The following CEP170 variants were observed in gnomAD, a reference collection of about 807,000 sequenced individuals.
The protein encoded by CEP170 is centrosomal protein of 170 kDa.
In CEP170, 21 loss-of-function variants were observed where a neutral mutation model predicts 151.9. That is an observed-to-expected ratio of 0.14 (90% confidence interval 0.10 to 0.20). CEP170 has a LOEUF of 0.20. CEP170 is among the 10% of genes least tolerant of loss of function. CEP170 has a pLI of 1.00. For missense variants in CEP170, 964 were observed against 1,892.9 expected (o/e 0.51, Z 9.11); for synonymous variants, 356 against 648.8 (o/e 0.55, Z 6.86).
At chr1:243,211,015 T>C (rs2061753518) in intron 4 of CEP170, among the ~76,000 whole-genome samples, 1 of 151,500 alleles carries the variant, frequency 6.6e-6, no homozygotes, top group South Asian at 2.1e-4. Flanking sequence ...CTTTTTCTGC[T>C]ACGGTGACAA....
chr1:243,163,797 CATTG>C (rs1214768104), intron 13 of CEP170, among the ~76,000 whole-genome samples: 1 of 152,084 alleles, frequency 6.6e-6, no homozygotes, highest in Non-Finnish European at 1.5e-5. Flanking sequence ...AAAAAGAAAA[CATTG>C]ATTATTTCAT....
chr1:243,136,906 C>T (rs1314076219), intron 16 of CEP170, among the ~76,000 whole-genome samples: 3 of 151,944 alleles, frequency 2.0e-5, no homozygotes, highest in African/African-American at 7.2e-5. Flanking sequence ...GGGAAACACA[C>T]ATTTTGAAAA....
chr1:243,226,447 G>A (rs771540973), intron 1 of CEP170, among the ~76,000 whole-genome samples: 6 of 151,512 alleles, frequency 4.0e-5, no homozygotes, highest in African/African-American at 1.5e-4. Flanking sequence ...AATAAAACTG[G>A]TATCAGCTTT....
At chr1:243,128,964 TATTATA>T (rs2054046433) in intron 18 of CEP170, 1 of 153,728 alleles carries the variant, frequency 6.5e-6, no homozygotes, top group Non-Finnish European at 1.4e-5. Context: ...GCAACCTCAA[TATTATA>T]ATTATATTCT....
intron 1 of CEP170, among the ~76,000 whole-genome samples, chr1:243,244,966 T>C (rs1265978355): frequency 1.3e-5 from 2 of 152,188 alleles, no homozygotes; most frequent in Non-Finnish European, 2.9e-5. Flanking sequence ...ACTATATACA[T>C]GTTAAAATCT....
intron 14 of CEP170, among the ~76,000 whole-genome samples, chr1:243,147,727 T>C (rs1244543869): frequency 1.3e-5 from 2 of 152,040 alleles, no homozygotes; most frequent in Non-Finnish European, 1.5e-5. Flanking sequence ...CACATCCTAA[T>C]TTTTTTCCCA....
Position 243,165,853 on chromosome 1 carries a change from T to C in CEP170, c.2107A>G (p.Arg703Gly). The C allele has an allele frequency of 6.2e-7, 1 of 1,614,014 alleles. No homozygotes were observed. Among genetic ancestry groups the C allele is most frequent in the Non-Finnish European group, 8.5e-7 (1 of 1,179,870 alleles). ...TTGAGAGTCTCTCCATTTACTGCCC[T>C]GTTCATTTTACTCAAGGGTCTGTCA... is the stretch of plus-strand genomic sequence containing the variant. ...DADRPLSKMN[R>G]AVNGETLKTG... Residue 703 changes from arginine (R) to glycine (G), a missense_variant, in exon 13 of 20, where the codon AGG (arginine) becomes GGG (glycine). Physicochemically the swap from Arg to Gly is moderately radical, Grantham distance 125. Coordinates refer to ENST00000366542, the MANE Select transcript of CEP170 (RefSeq NM_014812.3).
chr1:243,204,459 A>G (rs893484038), intron 4 of CEP170, among the ~76,000 whole-genome samples: 7 of 152,230 alleles, frequency 4.6e-5, no homozygotes, highest in African/African-American at 1.7e-4. Context: ...TACATAAATC[A>G]CAATTTTAAA....
intron 4 of CEP170, among the ~76,000 whole-genome samples, chr1:243,204,316 G>C (rs184500636): frequency 6.8e-4 from 103 of 152,266 alleles, no homozygotes; most frequent in South Asian, 5.4e-3. Context: ...TATAGTGCTG[G>C]AAGTACAGAT....
intron 19 of CEP170, among the ~76,000 whole-genome samples, chr1:243,127,202 C>T (rs1018352406): frequency 3.3e-5 from 5 of 152,138 alleles, no homozygotes; most frequent in Admixed American, 6.6e-5. Flanking sequence ...CCATAGAATA[C>T]GGTCATTTAG....
intron 1 of CEP170, among the ~76,000 whole-genome samples, chr1:243,240,372 A>G (rs891640550): frequency 6.6e-6 from 1 of 152,204 alleles, no homozygotes; most frequent in Admixed American, 6.5e-5. Context: ...AGCAATCCAT[A>G]TGATCCGTTC....
At chr1:243,248,856 AC>A (rs1224008800) in intron 1 of CEP170, among the ~76,000 whole-genome samples, 13 of 152,150 alleles carry the variant, frequency 8.5e-5, no homozygotes. Context: ...TCCTATAAGC[AC>A]CTTTTCCTCA....
At chr1:243,253,914 C>A (rs980907176) in intron 1 of CEP170, among the ~76,000 whole-genome samples, 3 of 152,206 alleles carry the variant, frequency 2.0e-5, no homozygotes, top group Non-Finnish European at 4.4e-5. Flanking sequence ...AATGAGTTAA[C>A]AACTTCGGTA....
intron 10 of CEP170, among the ~76,000 whole-genome samples, chr1:243,175,849 T>G (rs924491622): frequency 1.3e-5 from 2 of 152,156 alleles, no homozygotes; most frequent in Non-Finnish European, 2.9e-5. Flanking sequence ...CAGGCCGGAG[T>G]GCAGTGGCGC....
intron 10 of CEP170, among the ~76,000 whole-genome samples, chr1:243,183,890 G>A (rs895214407): frequency 1.3e-5 from 2 of 152,140 alleles, no homozygotes; most frequent in African/African-American, 4.8e-5. Context: ...TAGGCAACAG[G>A]TGTAAAACAG....
chr1:243,247,110 G>A (rs2065477504), intron 1 of CEP170, among the ~76,000 whole-genome samples: 1 of 151,998 alleles, frequency 6.6e-6, no homozygotes, highest in Non-Finnish European at 1.5e-5. Flanking sequence ...CAGTCCCTAA[G>A]CTTTGAATTT....
intron 14 of CEP170, among the ~76,000 whole-genome samples, chr1:243,150,883 C>G (rs919118969): frequency 4.6e-5 from 7 of 152,170 alleles, no homozygotes; most frequent in African/African-American, 1.7e-4. Flanking sequence ...ATCACTAGAA[C>G]ACATTTAATT....
intron 1 of CEP170, among the ~76,000 whole-genome samples, chr1:243,227,881 A>G (rs1338410039): frequency 1.3e-5 from 2 of 152,242 alleles, no homozygotes; most frequent in Non-Finnish European, 1.5e-5. Context: ...CTTGGTCATT[A>G]AGGGAATAAG....
intron 10 of CEP170, 63 bp from the exon 11 acceptor site, chr1:243,172,909 A>AT: frequency 2.8e-6 from 4 of 1,430,050 alleles, no homozygotes; most frequent in Non-Finnish European, 3.7e-6. Flanking sequence ...TAATATGTGA[A>AT]TAGTATAATT....
Sources: allele counts gnomAD v4.1 joint callset (sites outside exome capture counted in the v4.1 genomes callset), GRCh38; gene constraint gnomAD v4.1.1; transcripts MANE v1.5; gene names NCBI Gene and HGNC (gene_info 2026-07-23, HGNC 2026-07-21).